CDK5RAP2: variants seen among roughly 807,000 people sequenced by gnomAD.
The protein encoded by CDK5RAP2 is CDK5 regulatory subunit associated protein 2.
In CDK5RAP2, 147 loss-of-function variants were observed where a neutral mutation model predicts 232.9. The ratio of observed to expected loss-of-function variants is 0.63; its 90% CI spans 0.55 to 0.72. The LOEUF (loss-of-function observed/expected upper bound fraction) is 0.72. CDK5RAP2 is among the 30% of genes least tolerant of loss of function. The pLI, the probability that CDK5RAP2 is intolerant of heterozygous loss-of-function variation, is 0.00. For missense variants in CDK5RAP2, 2,195 were observed against 2,231.5 expected, an observed-to-expected ratio of 0.98 and a Z score of 0.33; for synonymous variants, 833 against 833.7, an observed-to-expected ratio of 1.00 and a Z score of 0.01.
At chr9:120,412,413 C>T (rs907956513) in intron 28 of CDK5RAP2, among the ~76,000 whole-genome samples, 1 of 152,210 alleles carries the variant, frequency 6.6e-6, no homozygotes, top group Admixed American at 6.5e-5. Context: ...GACATGGTCA[C>T]GTGCCACCTC....
Position 120,403,949 on chromosome 9 carries a change from G to T in CDK5RAP2, c.5041+87C>A. On this transcript the variant is annotated intron_variant, in intron 33 of 37. Coordinates refer to ENST00000349780, the MANE Select transcript of CDK5RAP2 (RefSeq NM_018249.6). The surrounding 1 kb of genome is among the most constrained non-coding windows in gnomAD (Gnocchi z 4.2). ...CCTTACCAAATACCCTCCTGAGTTGGGACCAGGGACCCCCCTTTTCTGCAA... is the reference window on the plus strand; with the variant it reads ...CCTTACCAAATACCCTCCTGAGTTGTGACCAGGGACCCCCCTTTTCTGCAA... 1 of 888,246 alleles carries T rather than the reference G, an allele frequency of 1.1e-6. No homozygotes were observed. 55.0% of individuals were successfully genotyped at this position (888,246 alleles called of 1,614,324 possible). A position where few individuals can be genotyped will look rare whatever the true frequency, so the allele number is the denominator to read the frequency against.
At chr9:120,505,574 G>A (rs1301888247) in intron 12 of CDK5RAP2, among the ~76,000 whole-genome samples, 1 of 152,196 alleles carries the variant, frequency 6.6e-6, no homozygotes, top group East Asian at 1.9e-4. Flanking sequence ...AAAGTCAATA[G>A]AGCCAAAAGC....
At position 120,468,035 on chromosome 9, in the gene CDK5RAP2, C is replaced by G. The variant is rs1168478547; in HGVS notation, c.1969-38G>C. On this transcript the variant is annotated intron_variant, in intron 17 of 37. Coordinates refer to ENST00000349780, the MANE Select transcript of CDK5RAP2 (RefSeq NM_018249.6). ...AACAGGGAAAAGGCTGTCTACCCAG[C>G]AAGAGACTTCAGCTTCCCAGGGCCG... The G allele has an allele frequency of 2.5e-6, 4 of 1,611,418 alleles. No individual in the cohort carries two copies. In the African/African-American group the frequency reaches 5.3e-5, roughly 22 times the overall value.
chr9:120,564,088 A>C (rs1303918251), intron 3 of CDK5RAP2, among the ~76,000 whole-genome samples: 1 of 152,218 alleles, frequency 6.6e-6, no homozygotes, highest in Non-Finnish European at 1.5e-5. Context: ...ATCCTATTCC[A>C]TAGTATCTAC....
chr9:120,576,445 G>A (rs1041165472), intron 1 of CDK5RAP2, among the ~76,000 whole-genome samples: 5 of 152,218 alleles, frequency 3.3e-5, no homozygotes, highest in Non-Finnish European at 5.9e-5. Flanking sequence ...GCTCACTCCT[G>A]TAACCCAGCA....
At chr9:120,524,198 A>G (rs540111712) in intron 11 of CDK5RAP2, among the ~76,000 whole-genome samples, 1 of 152,368 alleles carries the variant, frequency 6.6e-6, no homozygotes, top group African/African-American at 2.4e-5. Context: ...GAGATAATCT[A>G]TGGGGAGCAC....
intron 12 of CDK5RAP2, among the ~76,000 whole-genome samples, chr9:120,511,522 T>C (rs1369514250): frequency 6.6e-6 from 1 of 152,214 alleles, no homozygotes; most frequent in Non-Finnish European, 1.5e-5. Flanking sequence ...GAAGATGCTA[T>C]AAACTGCTCA....
intron 3 of CDK5RAP2, among the ~76,000 whole-genome samples, chr9:120,552,070 C>G (rs1190373983): frequency 1.3e-5 from 2 of 151,756 alleles, no homozygotes; most frequent in African/African-American, 4.8e-5. Context: ...GACATTTATG[C>G]AGCCAAAAGA....
At position 120,543,820 on chromosome 9, in the gene CDK5RAP2, T is replaced by C. The variant is rs910845563; in HGVS notation, c.383+1894A>G. On this transcript the variant is annotated intron_variant, in intron 5 of 37. Transcript: ENST00000349780. ...TTGCAGTGAGCCGAGATCATGCCAC[T>C]GCACTCCAGCCTGGCAGAGCAAAAC... Among the ~76,000 whole-genome samples the C allele has an allele frequency of 3.3e-5, 5 of 152,190 alleles. No individual in the cohort carries two copies. In the South Asian group the frequency reaches 8.3e-4, roughly 25 times the overall value.
intron 3 of CDK5RAP2, among the ~76,000 whole-genome samples, chr9:120,553,234 T>C (rs2042110007): frequency 6.6e-6 from 1 of 152,186 alleles, no homozygotes; most frequent in Non-Finnish European, 1.5e-5. Context: ...CCAGTAACTA[T>C]GATCTGTCAA....
intron 3 of CDK5RAP2, 114 bp downstream of exon 3, chr9:120,568,207 C>T: frequency 3.6e-6 from 3 of 830,724 alleles, no homozygotes; most frequent in South Asian, 2.7e-5. Flanking sequence ...TGGCACCCCC[C>T]TGCCTCTGGC....
At chr9:120,420,460 C>T (rs1052352653) in intron 26 of CDK5RAP2, among the ~76,000 whole-genome samples, 7 of 152,120 alleles carry the variant, frequency 4.6e-5, no homozygotes, top group African/African-American at 1.7e-4. Flanking sequence ...AGAGCCCAGC[C>T]CAAAACCATG....
In CDK5RAP2 at chr9:120,486,449, C is replaced by A. The variant is rs1030891565; in HGVS notation, c.1626+845G>T. The stretch of plus-strand genomic sequence containing the variant: ...AAAAAAACCTGGCCTACAGTTAATT[C>A]TTTTCCTTTCCCACATCTGGCTGCC... On this transcript the variant is annotated intron_variant, in intron 14 of 37. Coordinates refer to ENST00000349780, the MANE Select transcript of CDK5RAP2 (RefSeq NM_018249.6). 6.9e-5 allele frequency among the ~76,000 whole-genome samples: 10 copies of A among 145,480 alleles called. No homozygotes were observed. The South Asian group carries it at 1.3e-3, about 20-fold the overall frequency.
At chr9:120,513,754 G>A (rs900475944) in intron 12 of CDK5RAP2, among the ~76,000 whole-genome samples, 1 of 152,222 alleles carries the variant, frequency 6.6e-6, no homozygotes, top group Non-Finnish European at 1.5e-5. Context: ...GTTGCTGAAT[G>A]TATGAATGGA....
intron 4 of CDK5RAP2, among the ~76,000 whole-genome samples, chr9:120,546,058 A>G (rs2041828767): frequency 6.6e-6 from 1 of 152,236 alleles, no homozygotes; most frequent in South Asian, 2.1e-4. Context: ...GCATTCAAAT[A>G]TCAAGGCATA....
intron 4 of CDK5RAP2, among the ~76,000 whole-genome samples, chr9:120,549,089 G>A (rs1248065805): frequency 2.0e-5 from 3 of 151,226 alleles, no homozygotes; most frequent in African/African-American, 7.3e-5. Context: ...CTGGGAGGCA[G>A]AGGTTGCAGT....
intron 32 of CDK5RAP2, among the ~76,000 whole-genome samples, chr9:120,405,970 T>A (rs929048254): frequency 6.6e-6 from 1 of 152,212 alleles, no homozygotes. Context: ...TGAAAAAATA[T>A]GCAAATTTTA....
rs548103045 is a variant in CDK5RAP2 at position 120,428,457 on chromosome 9, C to T, written c.3956-5716G>A. Among the ~76,000 whole-genome samples the T allele has an allele frequency of 1.4e-4, 22 of 152,224 alleles. No homozygotes were observed. The East Asian group carries it at 4.2e-3, about 29-fold the overall frequency. On this transcript the variant is annotated intron_variant, in intron 25 of 37. Coordinates refer to ENST00000349780, the MANE Select transcript of CDK5RAP2 (RefSeq NM_018249.6). Reference sequence around the variant, plus strand: ...CCGATCCCAAAGAAATACAAACTACCATCAGAGAATACTACAAACACCTCT... The same window carrying T: ...CCGATCCCAAAGAAATACAAACTACTATCAGAGAATACTACAAACACCTCT...
At chr9:120,509,304 T>C (rs1194103324) in intron 12 of CDK5RAP2, among the ~76,000 whole-genome samples, 1 of 152,164 alleles carries the variant, frequency 6.6e-6, no homozygotes, top group African/African-American at 2.4e-5. Flanking sequence ...GGTGATGGTT[T>C]GTCATTCAAA....
Sources: gnomAD v4.1 joint callset for allele counts (sites outside exome capture counted in the v4.1 genomes callset) on GRCh38, gnomAD v4.1.1 for gene constraint, Gnocchi (gnomAD v3.1) non-coding constraint, MANE v1.5 for transcripts, NCBI Gene and HGNC (gene_info 2026-07-23, HGNC 2026-07-21) for gene names.